FMN2: variants seen among roughly 807,000 people sequenced by gnomAD.
FMN2 encodes the protein formin-2.
In FMN2, 51 loss-of-function variants were observed where a neutral mutation model predicts 142.3. The ratio of observed to expected loss-of-function variants is 0.36; its 90% CI spans 0.29 to 0.45. FMN2 has a LOEUF of 0.45. FMN2 is among the 20% of genes least tolerant of loss of function. The probability of loss-of-function intolerance (pLI) is 1.00; values close to 1 mark genes in which losing one functional copy is unlikely to be tolerated. For synonymous variants in FMN2, 882 were observed against 869.8 expected, an observed-to-expected ratio of 1.01 and a Z score of -0.25; for missense variants, 1,936 against 2,122.8, an observed-to-expected ratio of 0.91 and a Z score of 1.73.
rs1179624750 is a variant in FMN2, at chr1:240,092,962, G to A, written c.853G>A (p.Ala285Thr). ...ALSDLPESLA[A>T]EPREPQQPPS... ...CTCCGACCTGCCCGAGAGCCTGGCC[G>A]CCGAGCCCCGGGAGCCCCAGCAACC... Residue 285 changes from alanine (A) to threonine (T), a missense_variant, in exon 1 of 18, where the codon GCC (alanine) becomes ACC (threonine). Physicochemically the swap from Ala to Thr is moderately conservative, Grantham distance 58. Around this residue, in one of 8 missense-constraint regions of FMN2, gnomAD observed 751 missense variants for 791.8 expected, o/e 0.95. Transcript: ENST00000319653. The A allele has an allele frequency of 5.0e-6, 7 of 1,412,754 alleles. No homozygotes were observed. The South Asian group carries it at 7.6e-5, about 15-fold the overall frequency. The allele number at this position is 1,412,754 out of a possible 1,614,324, so 87.5% of individuals were successfully genotyped here.
chr1:240,406,354 G>A (rs1298428220), intron 15 of FMN2, among the ~76,000 whole-genome samples: 2 of 138,198 alleles, frequency 1.4e-5, no homozygotes, highest in Non-Finnish European at 3.2e-5. Flanking sequence ...CCTCGGGAGT[G>A]GGGGGAGCGA....
chr1:240,463,266 C>T (rs1361170531), intron 16 of FMN2, among the ~76,000 whole-genome samples: 2 of 152,232 alleles, frequency 1.3e-5, no homozygotes, highest in African/African-American at 4.8e-5. Flanking sequence ...AAGGTTGAGA[C>T]AGATTTTAAC....
chr1:240,205,898 T>G (rs1373203880), intron 4 of FMN2, among the ~76,000 whole-genome samples: 1 of 85,414 alleles, frequency 1.2e-5, no homozygotes, highest in African/African-American at 5.0e-5. Flanking sequence ...CATCTTTTTT[T>G]TTTTTTTTTT....
At chr1:240,372,841 C>T (rs1299101972) in intron 14 of FMN2, among the ~76,000 whole-genome samples, 1 of 152,018 alleles carries the variant, frequency 6.6e-6, no homozygotes, top group East Asian at 1.9e-4. Context: ...TGTGCAGTAG[C>T]ATTATACATT....
At chr1:240,367,018 A>G (rs1226417908) in intron 14 of FMN2, among the ~76,000 whole-genome samples, 3 of 152,162 alleles carry the variant, frequency 2.0e-5, no homozygotes, top group Non-Finnish European at 4.4e-5. Flanking sequence ...TGTTTTTAAA[A>G]ATGATTAGTT....
intron 7 of FMN2, among the ~76,000 whole-genome samples, chr1:240,268,351 G>A (rs1668885382): frequency 6.6e-6 from 1 of 152,062 alleles, no homozygotes; most frequent in Non-Finnish European, 1.5e-5. Context: ...ATAAGTATGA[G>A]AATTATCTAA....
intron 4 of FMN2, among the ~76,000 whole-genome samples, chr1:240,191,808 C>A (rs181885190): frequency 2.0e-5 from 3 of 152,120 alleles, no homozygotes; most frequent in African/African-American, 7.2e-5. Context: ...CTCTTGGTAT[C>A]TTTCTAATAT....
intron 14 of FMN2, among the ~76,000 whole-genome samples, chr1:240,382,615 C>T (rs971851730): frequency 5.3e-5 from 8 of 151,934 alleles, no homozygotes; most frequent in African/African-American, 1.9e-4. Flanking sequence ...GAACCGAGAT[C>T]GTGCCACTGC....
intron 5 of FMN2, among the ~76,000 whole-genome samples, chr1:240,209,387 A>G (rs916936882): frequency 6.6e-6 from 1 of 151,246 alleles, no homozygotes; most frequent in African/African-American, 2.4e-5. Flanking sequence ...AGTAGCTGGG[A>G]CTACAGGCGC....
At chr1:240,324,302 G>A (rs1168900672) in intron 8 of FMN2, among the ~76,000 whole-genome samples, 1 of 152,112 alleles carries the variant, frequency 6.6e-6, no homozygotes, top group Admixed American at 6.6e-5. Context: ...ATAGGAGAGG[G>A]CATTATTTGA....
In FMN2 at chr1:240,330,605, A is replaced by C. The variant is rs748270901; in HGVS notation, c.4440A>C (p.Thr1480=). Residue 1480 remains threonine, a splice_region_variant and synonymous_variant, in exon 11 of 18, where the codon ACA becomes ACC. Transcript: ENST00000319653. ...TTTGTTGTTATTCTGTTTTACAGAC[A>C]TTAAAAAATGGCCCAGGGGTTATGC... is the stretch of plus-strand genomic sequence containing the variant. ...KLELLQKLCE[T]LKNGPGVMQV... 11 of 1,612,502 alleles carry C rather than the reference A, an allele frequency of 6.8e-6. No homozygotes were observed. Among genetic ancestry groups the C allele is most frequent in the Middle Eastern group, 3.3e-4 (2 of 6,050 alleles).
At chr1:240,378,099 A>G (rs1389826044) in intron 14 of FMN2, among the ~76,000 whole-genome samples, 1 of 151,674 alleles carries the variant, frequency 6.6e-6, no homozygotes, top group African/African-American at 2.4e-5. Flanking sequence ...GTGCATTGGT[A>G]TATGTGTATA....
chr1:240,147,143 C>G (rs1663521634), intron 2 of FMN2, among the ~76,000 whole-genome samples: 1 of 152,146 alleles, frequency 6.6e-6, no homozygotes, highest in South Asian at 2.1e-4. Flanking sequence ...GGGTCAAGCA[C>G]TGTGCTAAGT....
At chr1:240,389,551 T>G (rs1172335761) in intron 14 of FMN2, among the ~76,000 whole-genome samples, 3 of 152,168 alleles carry the variant, frequency 2.0e-5, no homozygotes, top group Non-Finnish European at 4.4e-5. Flanking sequence ...GATATCTTAA[T>G]TTTCACCGAT....
In FMN2 at chr1:240,301,844, G is replaced by A. The variant is rs1670210819; in HGVS notation, c.4215+6961G>A. Among the ~76,000 whole-genome samples, 6 of 151,720 alleles carry A rather than the reference G, an allele frequency of 4.0e-5. 1 individual carries two copies. Among genetic ancestry groups the A allele is most frequent in the Admixed American group, 3.3e-4 (5 of 15,224 alleles). ...TTTTATTGTAATATAAGTAGGCATG[G>A]TTTTCTTGTATTCTGATTGAGTTTG... On this transcript the variant is annotated intron_variant, in intron 8 of 17. Coordinates refer to ENST00000319653, the MANE Select transcript of FMN2 (RefSeq NM_020066.5).
chr1:240,216,184 A>T (rs570608396), intron 6 of FMN2, among the ~76,000 whole-genome samples: 1 of 152,224 alleles, frequency 6.6e-6, no homozygotes, highest in Non-Finnish European at 1.5e-5. Flanking sequence ...GCAGACAGCC[A>T]TTGTGGTTAA....
chr1:240,091,982 C>T lies in FMN2; in HGVS notation c.-128C>T, dbSNP rs1160302912. On this transcript the variant is annotated 5_prime_UTR_variant, in exon 1 of 18. Transcript: ENST00000319653. ...GCCAGCCGGGCGCGCGTCGGCCTCCCCTCCCAGCGGCTCCCCCCGCCGCCG... is the reference window on the plus strand; with the variant it reads ...GCCAGCCGGGCGCGCGTCGGCCTCCTCTCCCAGCGGCTCCCCCCGCCGCCG... 7 of 1,370,760 alleles carry T rather than the reference C, an allele frequency of 5.1e-6. No individual in the cohort carries two copies. In the African/African-American group the frequency reaches 6.2e-5, roughly 12 times the overall value. 84.9% of individuals were successfully genotyped at this position (1,370,760 alleles called of 1,614,324 possible).
At chr1:240,470,207 GA>G (rs11422809) in intron 16 of FMN2, among the ~76,000 whole-genome samples, 48 of 131,074 alleles carry the variant, frequency 3.7e-4, no homozygotes, top group Middle Eastern at 8.1e-3. Flanking sequence ...ACTAAGTGCT[GA>G]AAAAAAAAAA....
At chr1:240,386,814 G>A (rs1304300574) in intron 14 of FMN2, among the ~76,000 whole-genome samples, 3 of 152,144 alleles carry the variant, frequency 2.0e-5, no homozygotes, top group Non-Finnish European at 4.4e-5. Flanking sequence ...TGAGCCGATG[G>A]TCTCTTTGGT....
Sources: gnomAD v4.1 joint callset for allele counts (sites outside exome capture counted in the v4.1 genomes callset) on GRCh38, gnomAD v4.1.1 for gene constraint, gnomAD v4.1.1 regional missense constraint, MANE v1.5 for transcripts, NCBI Gene and HGNC (gene_info 2026-07-23, HGNC 2026-07-21) for gene names.